YES1: variants seen among roughly 807,000 people sequenced by gnomAD.
YES1 encodes the protein YES proto-oncogene 1, Src family tyrosine kinase.
A neutral mutation model predicts 70.4 loss-of-function variants in YES1; 39 were observed. The ratio of observed to expected loss-of-function variants is 0.55; its 90% CI spans 0.43 to 0.72. The LOEUF (loss-of-function observed/expected upper bound fraction) is 0.72. Among genes scored for constraint, YES1 ranks in the 30% least tolerant of loss-of-function variants. YES1 has a pLI of 0.00. For missense variants in YES1, 495 were observed against 644.8 expected (o/e 0.77, Z 2.52); for synonymous variants, 198 against 218.6 (o/e 0.91, Z 0.83).
At chr18:810,802 C>T (rs1465699010) in intron 1 of YES1, among the ~76,000 whole-genome samples, 1 of 152,052 alleles carries the variant, frequency 6.6e-6, no homozygotes, top group Non-Finnish European at 1.5e-5. Context: ...ACCAAAAAAC[C>T]ATATATATTA....
Position 733,714 on chromosome 18 carries a change from C to T in YES1, c.1292-749G>A, listed in dbSNP as rs986532135. 3.1e-5 allele frequency among the ~76,000 whole-genome samples: 4 copies of T among 128,832 alleles called. No homozygotes were observed. The East Asian group carries it at 7.8e-4, about 25-fold the overall frequency. 84.5% of individuals were successfully genotyped at this position (128,832 alleles called of 152,430 possible). ...AGGAGAATGGTGTGAACCCAGGAGG[C>T]GGAGCTTGCAGTGAGCTGAGATTGC... is the stretch of plus-strand genomic sequence containing the variant. On this transcript the variant is annotated intron_variant, in intron 10 of 11. Transcript: ENST00000314574.
chr18:786,392 G>A (rs965169276), intron 1 of YES1, among the ~76,000 whole-genome samples: 1 of 151,986 alleles, frequency 6.6e-6, no homozygotes, highest in East Asian at 1.9e-4. Flanking sequence ...ACACTGGCAA[G>A]AGAGCTAAGG....
chr18:752,571 C>A (rs924404454), intron 2 of YES1, among the ~76,000 whole-genome samples: 4 of 152,084 alleles, frequency 2.6e-5, no homozygotes, highest in African/African-American at 7.2e-5. Flanking sequence ...CTAATCATTA[C>A]CAGTAATAAC....
Position 746,067 on chromosome 18 carries a change from G to A in YES1, c.471-16C>T, listed in dbSNP as rs758483762. ...AAAATACCATCTGGAAAAAAATTAA[G>A]TGTTTTGAATTGAAAAGTATGAGGT... is the stretch of plus-strand genomic sequence containing the variant. On this transcript the variant is annotated splice_polypyrimidine_tract_variant and intron_variant, in intron 4 of 11. Transcript: ENST00000314574. The A allele has an allele frequency of 1.9e-6, 3 of 1,595,650 alleles. No individual in the cohort carries two copies. The highest frequency in any genetic ancestry group is 2.6e-6 in the Non-Finnish European group (3 of 1,167,016).
At chr18:807,306 C>T (rs1219589645) in intron 1 of YES1, among the ~76,000 whole-genome samples, 2 of 150,916 alleles carry the variant, frequency 1.3e-5, no homozygotes, top group African/African-American at 4.9e-5. Flanking sequence ...TGCACACCAG[C>T]CTGGGCAGTA....
intron 3 of YES1, among the ~76,000 whole-genome samples, chr18:750,336 AG>A (rs1336029225): frequency 6.6e-6 from 1 of 152,252 alleles, no homozygotes; most frequent in Non-Finnish European, 1.5e-5. Context: ...TGGAAATAAA[AG>A]TAAAAAGACA....
At chr18:807,647 T>G (rs538744189) in intron 1 of YES1, among the ~76,000 whole-genome samples, 3 of 152,314 alleles carry the variant, frequency 2.0e-5, no homozygotes, top group African/African-American at 7.2e-5. Flanking sequence ...GATAACGTAT[T>G]TGCAACTGTT....
intron 11 of YES1, among the ~76,000 whole-genome samples, chr18:728,663 C>A (rs935564739): frequency 6.6e-6 from 1 of 152,108 alleles, no homozygotes; most frequent in South Asian, 2.1e-4. Flanking sequence ...GTAGCTGGTA[C>A]TACAGGTGTG....
intron 1 of YES1, among the ~76,000 whole-genome samples, chr18:789,916 A>G (rs9958334): frequency 0.36 from 54,800 of 151,836 alleles, 10,865 homozygotes; most frequent in African/African-American, 0.52. Flanking sequence ...AAAATTAGCT[A>G]GGCATGGTGG....
intron 1 of YES1, among the ~76,000 whole-genome samples, chr18:788,379 A>G (rs1028619896): frequency 1.3e-5 from 2 of 152,210 alleles, no homozygotes; most frequent in African/African-American, 4.8e-5. Flanking sequence ...TATTTCTGAA[A>G]TAGGGCTTAC....
At chr18:770,699 G>C (rs1253897444) in intron 1 of YES1, among the ~76,000 whole-genome samples, 1 of 152,120 alleles carries the variant, frequency 6.6e-6, no homozygotes, top group Non-Finnish European at 1.5e-5. Flanking sequence ...CACTTTGTTT[G>C]TTTCCCTTCT....
intron 1 of YES1, among the ~76,000 whole-genome samples, chr18:794,936 C>T (rs571194606): frequency 6.6e-6 from 1 of 152,338 alleles, no homozygotes; most frequent in Admixed American, 6.5e-5. Context: ...CTGCCTCAGC[C>T]TCCCAAGTTG....
At chr18:749,635 C>A (rs1017636582) in intron 3 of YES1, among the ~76,000 whole-genome samples, 1 of 151,954 alleles carries the variant, frequency 6.6e-6, no homozygotes, top group Non-Finnish European at 1.5e-5. Flanking sequence ...GCAGGCGGAT[C>A]ACAAGGTCAG....
At chr18:773,936 A>G (rs975648326) in intron 1 of YES1, among the ~76,000 whole-genome samples, 8 of 151,858 alleles carry the variant, frequency 5.3e-5, no homozygotes, top group African/African-American at 1.9e-4. Flanking sequence ...GGTTTGAGCA[A>G]TTCTCCTGCC....
At chr18:800,395 G>A (rs1906758014) in intron 1 of YES1, among the ~76,000 whole-genome samples, 1 of 152,204 alleles carries the variant, frequency 6.6e-6, no homozygotes, top group African/African-American at 2.4e-5. Flanking sequence ...CCAGTCATTT[G>A]GAGTTGGTAC....
At chr18:805,730 A>G (rs1256967805) in intron 1 of YES1, among the ~76,000 whole-genome samples, 2 of 152,212 alleles carry the variant, frequency 1.3e-5, no homozygotes, top group Non-Finnish European at 2.9e-5. Context: ...AAGTATCCTT[A>G]TCTGTAAAAT....
At chr18:759,375 G>A (rs1904456427) in intron 1 of YES1, among the ~76,000 whole-genome samples, 1 of 152,216 alleles carries the variant, frequency 6.6e-6, no homozygotes, top group South Asian at 2.1e-4. Context: ...GCTGGCGCAG[G>A]AGAATTGCTT....
At chr18:792,554 T>C (rs7240839) in intron 1 of YES1, among the ~76,000 whole-genome samples, 4,251 of 126,940 alleles carry the variant, frequency 0.033, 199 homozygotes, top group African/African-American at 0.1. Flanking sequence ...TCTCTCTCTC[T>C]CCCTCTGTAT....
At chr18:794,816 T>C (rs1906456178) in intron 1 of YES1, among the ~76,000 whole-genome samples, 1 of 152,266 alleles carries the variant, frequency 6.6e-6, no homozygotes, top group Non-Finnish European at 1.5e-5. Flanking sequence ...TTTTTGGTTT[T>C]TGTTTTGTTT....
Sources: allele counts gnomAD v4.1 joint callset (sites outside exome capture counted in the v4.1 genomes callset), GRCh38; gene constraint gnomAD v4.1.1; transcripts MANE v1.5; gene names NCBI Gene and HGNC (gene_info 2026-07-23, HGNC 2026-07-21).